PDXK: variants seen among roughly 807,000 people sequenced by gnomAD.
PDXK encodes the protein pyridoxal kinase.
In PDXK, 15 loss-of-function variants were observed where a neutral mutation model predicts 43.2. The observed-to-expected ratio is 0.35, with a 90% CI of 0.23 to 0.53. PDXK has a LOEUF of 0.53. Ranked by LOEUF, PDXK falls within the 20% of genes least tolerant of loss-of-function variation. The probability of loss-of-function intolerance (pLI) is 0.92; values close to 1 mark genes in which losing one functional copy is unlikely to be tolerated. For missense variants in PDXK, 343 were observed against 417.0 expected (o/e 0.82, Z 1.54); for synonymous variants, 172 against 165.4 (o/e 1.04, Z -0.31).
chr21:43,751,490 A>G (rs369361246), intron 7 of PDXK, among the ~76,000 whole-genome samples: 1 of 152,246 alleles, frequency 6.6e-6, no homozygotes, highest in Admixed American at 6.5e-5. Flanking sequence ...CGGAGGTTGC[A>G]GTGAGCTGAG....
At chr21:43,741,919 C>T in intron 3 of PDXK, 148 bp downstream of exon 3, 1 of 655,286 alleles carries the variant, frequency 1.5e-6, no homozygotes, top group Non-Finnish European at 2.7e-6. Context: ...GCCACCATCA[C>T]ACCCCCGGTA....
At chr21:43,749,264 C>A (rs918234060) in intron 6 of PDXK, among the ~76,000 whole-genome samples, 184 bp downstream of exon 6, 1 of 152,100 alleles carries the variant, frequency 6.6e-6, no homozygotes, top group Non-Finnish European at 1.5e-5. Context: ...GCCACCACGC[C>A]CGGCTAATTT....
chr21:43,731,648 G>A (rs2083319264), intron 1 of PDXK, among the ~76,000 whole-genome samples: 1 of 152,208 alleles, frequency 6.6e-6, no homozygotes. Context: ...CTCCGGGTGG[G>A]AGGTGAGTGT....
At chr21:43,727,867 C>T (rs1341019332) in intron 1 of PDXK, among the ~76,000 whole-genome samples, 1 of 152,198 alleles carries the variant, frequency 6.6e-6, no homozygotes, top group African/African-American at 2.4e-5. Context: ...ACCAGGGAGC[C>T]CATATTGGGT....
intron 5 of PDXK, chr21:43,748,483 C>G (rs1005432588): frequency 4.6e-5 from 7 of 153,204 alleles, no homozygotes; most frequent in Admixed American, 1.3e-4. Context: ...GCGAAACTGT[C>G]TCAAAAAACA....
chr21:43,733,915 C>G, intron 1 of PDXK, 154 bp from the exon 2 acceptor site: 1 of 718,132 alleles, frequency 1.4e-6, no homozygotes, highest in South Asian at 1.6e-5. Flanking sequence ...GGGAGAGCCT[C>G]CTGCTCTGAT....
chr21:43,734,129 G>T lies in PDXK; in HGVS notation c.142+6G>T, dbSNP rs1346003435. The T allele has an allele frequency of 6.2e-7, 1 of 1,613,788 alleles. No individual in the cohort carries two copies. Among genetic ancestry groups the T allele is most frequent in the Non-Finnish European group, 8.5e-7 (1 of 1,179,660 alleles). On this transcript the variant is annotated splice_donor_region_variant and intron_variant, in intron 2 of 10. Transcript: ENST00000291565. The surrounding 1 kb of genome is among the most constrained non-coding windows in gnomAD (Gnocchi z 5.0). ...CCAGTTTTCAAACCACACAGGTAAG[G>T]CGTTGGCTCCAGCAGCTGGCATAGA...
At position 43,737,170 on chromosome 21, in the gene PDXK, C is replaced by T. The variant is rs1236650050; in HGVS notation, c.142+3047C>T. The stretch of plus-strand genomic sequence containing the variant: ...GGGATGGGCCACAAAGCCAGACTCC[C>T]GGCAGGGACACGGGTGTTCCACACA... On this transcript the variant is annotated intron_variant, in intron 2 of 10. Transcript: ENST00000291565. The surrounding 1 kb of genome is among the most constrained non-coding windows in gnomAD (Gnocchi z 4.8). The T allele has an allele frequency of 2.1e-5, 31 of 1,458,834 alleles. No homozygotes were observed. The highest frequency in any genetic ancestry group is 5.5e-5 in the South Asian group (4 of 72,416). The allele number at this position is 1,458,834 out of a possible 1,614,324, so 90.4% of individuals were successfully genotyped here. A position where few individuals can be genotyped will look rare whatever the true frequency, so the allele number is the denominator to read the frequency against.
Position 43,741,969 on chromosome 21 carries a change from T to C in PDXK, c.247+198T>C, listed in dbSNP as rs73908377. Among the ~76,000 whole-genome samples, 5,807 of 151,986 alleles carry C rather than the reference T, an allele frequency of 0.038. 348 individuals are homozygous for C. Among genetic ancestry groups the C allele is most frequent in the African/African-American group, 0.13 (5,402 of 41,418 alleles). On this transcript the variant is annotated intron_variant, in intron 3 of 10. Coordinates refer to ENST00000291565, the MANE Select transcript of PDXK (RefSeq NM_003681.5). ...GGCCACACTATGCCTGCCGGGACAA[T>C]GACTGCCCAGGCTGTGCCAAGTCAC...
intron 1 of PDXK, among the ~76,000 whole-genome samples, chr21:43,730,345 C>T (rs182240860): frequency 1.5e-3 from 225 of 152,172 alleles, no homozygotes; most frequent in African/African-American, 5.2e-3. Flanking sequence ...AGGCTGGTCT[C>T]GAACTCCTGA....
At chr21:43,726,952 C>T (rs1453542004) in intron 1 of PDXK, among the ~76,000 whole-genome samples, 2 of 152,040 alleles carry the variant, frequency 1.3e-5, no homozygotes, top group African/African-American at 4.8e-5. Flanking sequence ...GGCGTGTGTG[C>T]ACATGTCTGG....
At position 43,749,098 on chromosome 21, in the gene PDXK, AT is replaced by A; in HGVS notation, c.464+22del. 1 of 1,463,196 alleles carries A rather than the reference AT, an allele frequency of 6.8e-7. No individual in the cohort carries two copies. The highest frequency in any genetic ancestry group is 9.5e-7 in the Non-Finnish European group (1 of 1,050,420). 90.6% of individuals were successfully genotyped at this position (1,463,196 alleles called of 1,614,324 possible). A position where few individuals can be genotyped will look rare whatever the true frequency, so the allele number is the denominator to read the frequency against. Reference sequence around the variant, plus strand: ...GAGGCCGAGTAAGTCATTTTATTTTATTTTACTTTATTTATTTATTTTTCAA... The same window carrying A: ...GAGGCCGAGTAAGTCATTTTATTTTATTTACTTTATTTATTTATTTTTCAA... On this transcript the variant is annotated intron_variant, in intron 6 of 10. Coordinates refer to ENST00000291565, the MANE Select transcript of PDXK (RefSeq NM_003681.5).
In PDXK at chr21:43,732,814, C is replaced by T. The variant is rs567103438; in HGVS notation, c.88-1255C>T. ...CCAGGCTAGAGTGCAGTGGTGCCAT[C>T]AGGGCTCACTGCAGCCTCCACCTCC... On this transcript the variant is annotated intron_variant, in intron 1 of 10. Coordinates refer to ENST00000291565, the MANE Select transcript of PDXK (RefSeq NM_003681.5). The surrounding 1 kb of genome is among the most constrained non-coding windows in gnomAD (Gnocchi z 4.1). Among the ~76,000 whole-genome samples, 1 of 152,288 alleles carries T rather than the reference C, an allele frequency of 6.6e-6. No individual in the cohort carries two copies. The highest frequency in any genetic ancestry group is 1.5e-5 in the Non-Finnish European group (1 of 68,010).
At position 43,719,880 on chromosome 21, in the gene PDXK, A is replaced by G. The variant is rs1398122014; in HGVS notation, c.87+499A>G. On this transcript the variant is annotated intron_variant, in intron 1 of 10. Transcript: ENST00000291565. ...CCTGTGCGTGGGGAAGTCAGGAAGA[A>G]GACGCCGAGTGAGGTCACGGTGCCC... The G allele has an allele frequency of 9.1e-6, 9 of 985,338 alleles. No homozygotes were observed. The African/African-American group carries it at 1.4e-4, about 15-fold the overall frequency. 61.0% of individuals were successfully genotyped at this position (985,338 alleles called of 1,614,324 possible).
chr21:43,727,265 A>C (rs1472062052), intron 1 of PDXK, among the ~76,000 whole-genome samples: 1 of 152,208 alleles, frequency 6.6e-6, no homozygotes, highest in African/African-American at 2.4e-5. Context: ...GCTGAGGAAT[A>C]AGAACAGAGG....
At position 43,758,449 on chromosome 21, in the gene PDXK, A is replaced by G. The variant is rs994101112; in HGVS notation, c.*2386A>G. The G allele has an allele frequency of 6.5e-6, 1 of 153,356 alleles. No homozygotes were observed. Among genetic ancestry groups the G allele is most frequent in the Non-Finnish European group, 1.5e-5 (1 of 68,072 alleles). The allele number at this position is 153,356 out of a possible 1,614,324, so 9.5% of individuals were successfully genotyped here. A position where few individuals can be genotyped will look rare whatever the true frequency, so the allele number is the denominator to read the frequency against. On this transcript the variant is annotated 3_prime_UTR_variant, in exon 11 of 11. Coordinates refer to ENST00000291565, the MANE Select transcript of PDXK (RefSeq NM_003681.5). ...GCTTTTGTGGAAATTGTCAGCCTCT[A>G]CGGGCAGAGTCCGGCATCCCCTCCC...
intron 7 of PDXK, among the ~76,000 whole-genome samples, chr21:43,752,180 G>A (rs940254713): frequency 1.3e-5 from 2 of 152,198 alleles, no homozygotes; most frequent in African/African-American, 2.4e-5. Flanking sequence ...CAGTTTCTAC[G>A]AGAGTTACAG....
rs2083689271 is a variant in PDXK at position 43,749,091 on chromosome 21, T to C, written c.464+11T>C. On this transcript the variant is annotated intron_variant, in intron 6 of 10. Coordinates refer to ENST00000291565, the MANE Select transcript of PDXK (RefSeq NM_003681.5). ...CCAGTTTGAGGCCGAGTAAGTCATT[T>C]TATTTTATTTTACTTTATTTATTTA... 1.3e-6 allele frequency: 2 copies of C among 1,524,232 alleles called. No homozygotes were observed. Among genetic ancestry groups the C allele is most frequent in the African/African-American group, 2.7e-5 (2 of 72,738 alleles). The allele number at this position is 1,524,232 out of a possible 1,614,324, so 94.4% of individuals were successfully genotyped here. A position where few individuals can be genotyped will look rare whatever the true frequency, so the allele number is the denominator to read the frequency against.
intron 7 of PDXK, among the ~76,000 whole-genome samples, chr21:43,751,696 CAT>C (rs2083754291): frequency 6.6e-6 from 1 of 152,210 alleles, no homozygotes; most frequent in Admixed American, 6.5e-5. Flanking sequence ...GCTGCATCCT[CAT>C]GTGTGGATGG....
Sources: allele counts gnomAD v4.1 joint callset (sites outside exome capture counted in the v4.1 genomes callset), GRCh38; gene constraint gnomAD v4.1.1; non-coding constraint Gnocchi (gnomAD v3.1); transcripts MANE v1.5; gene names NCBI Gene and HGNC (gene_info 2026-07-23, HGNC 2026-07-21).